Variants in DNAAF8 observed in about 807,000 individuals in gnomAD.
DNAAF8 encodes the protein dynein axonemal-associated protein 1.
Under a neutral mutation model 54.6 loss-of-function variants are expected in DNAAF8, and 61 were observed. The observed-to-expected ratio is 1.12, with a 90% CI of 0.91 to 1.38. The LOEUF (loss-of-function observed/expected upper bound fraction) is 1.38. DNAAF8 is among the 40% of genes most tolerant of loss of function. The probability of loss-of-function intolerance (pLI) is 0.00; values close to 1 mark genes in which losing one functional copy is unlikely to be tolerated. For missense variants in DNAAF8, 837 were observed against 665.0 expected (o/e 1.26, Z -2.85); for synonymous variants, 320 against 270.1 (o/e 1.18, Z -1.81).
Position 4,743,087 on chromosome 16 carries a change from G to A in DNAAF8, c.828G>A (p.Ala276=), listed in dbSNP as rs200793306. The part of the protein sequence containing the change: ...WDLDDILQSL[A]GQEDNQGNRA... The stretch of plus-strand genomic sequence containing the variant: ...TGGATGACATCCTTCAGAGTCTGGC[G>A]GGACAAGAAGACAACCAGGGAAATC... Residue 276 remains alanine, a synonymous_variant, in exon 5 of 10, where the codon GCG becomes GCA. Coordinates refer to ENST00000299320, the MANE Select transcript of DNAAF8 (RefSeq NM_139170.3). The A allele has an allele frequency of 2.6e-4, 427 of 1,612,304 alleles. 5 individuals carry two copies. In the South Asian group the frequency reaches 4.3e-3, roughly 16 times the overall value.
At chr16:4,747,098 C>T in intron 8 of DNAAF8, 73 bp downstream of exon 8, 1 of 1,398,102 alleles carries the variant, frequency 7.2e-7, no homozygotes, top group Non-Finnish European at 9.6e-7. Flanking sequence ...CTCCACCTGG[C>T]ACATTTACCG....
intron 2 of DNAAF8, 124 bp from the exon 3 acceptor site, chr16:4,737,676 C>CGGGCTGGATGGGCT: frequency 8.1e-7 from 1 of 1,234,534 alleles, no homozygotes. Context: ...CAGGGCTGGA[C>CGGGCTGGATGGGCT]GGGCTGGATG....
rs755290242 is a variant in DNAAF8 at position 4,747,441 on chromosome 16, G to A, written c.1379G>A (p.Gly460Glu). The change falls in exon 9 of 10, where the codon GGG becomes GAG. Residue 460 changes from glycine to glutamate, a missense_variant. Physicochemically the swap from Gly to Glu is moderately conservative, Grantham distance 98. Coordinates refer to ENST00000299320, the MANE Select transcript of DNAAF8 (RefSeq NM_139170.3). ...CCTGCCAGCAAGGGGCCCGCGGGTG[G>A]GAGGGCTCAGGCCCCTGAAGACACA... ...ELPASKGPAG[G>E]RAQAPEDTAG... is the part of the protein sequence containing the mutation. 6.2e-7 allele frequency: 1 copy of A among 1,613,118 alleles called. No individual in the cohort carries two copies. The highest frequency in any genetic ancestry group is 1.1e-5 in the South Asian group (1 of 91,088).
chr16:4,744,211 G>T (rs1563443), intron 5 of DNAAF8, among the ~76,000 whole-genome samples: 1 of 151,946 alleles, frequency 6.6e-6, no homozygotes, highest in Non-Finnish European at 1.5e-5. Context: ...GATTACAGGC[G>T]TGAGCCACCG....
intron 3 of DNAAF8, among the ~76,000 whole-genome samples, chr16:4,739,015 G>A (rs1028355816): frequency 2.6e-5 from 4 of 152,088 alleles, no homozygotes; most frequent in African/African-American, 7.2e-5. Context: ...CTACTGAATG[G>A]GAGGGCATGG....
At position 4,740,647 on chromosome 16, in the gene DNAAF8, G is replaced by A. The variant is rs1319833804; in HGVS notation, c.771G>A (p.Val257=). Reference sequence around the variant, plus strand: ...TGGAGCCTCCGGAGGGACCACCAGTGCTCTCGCTCCAGGTAGGCGCCTCCC... The same window carrying A: ...TGGAGCCTCCGGAGGGACCACCAGTACTCTCGCTCCAGGTAGGCGCCTCCC... ...PLVEPPEGPP[V]LSLQQLEAWD... is the part of the protein sequence containing the mutation. Residue 257 remains valine (V), a synonymous_variant, in exon 4 of 10, where the codon GTG becomes GTA. Transcript: ENST00000299320. 1.3e-5 allele frequency: 21 copies of A among 1,599,488 alleles called. No homozygotes were observed. Among genetic ancestry groups the A allele is most frequent in the Non-Finnish European group, 1.5e-5 (18 of 1,175,292 alleles).
Position 4,747,015 on chromosome 16 carries a change from C to A in DNAAF8, c.1270C>A (p.Leu424Met). ...GDAEGASPSS[L>M]GLRTCTGKSQ... ...CGCAGAGGGGGCATCTCCTTCCTCC[C>A]TGGGGCTACGGTAACCACCCAGGGG... The change falls in exon 8 of 10, where the codon CTG becomes ATG. Residue 424 changes from leucine (L) to methionine (M), a missense_variant. Physicochemically the swap from Leu to Met is conservative, Grantham distance 15. Coordinates refer to ENST00000299320, the MANE Select transcript of DNAAF8 (RefSeq NM_139170.3). The A allele has an allele frequency of 1.3e-6, 2 of 1,531,588 alleles. No individual in the cohort carries two copies. Among genetic ancestry groups the A allele is most frequent in the South Asian group, 2.5e-5 (2 of 80,870 alleles). The allele number at this position is 1,531,588 out of a possible 1,614,324, so 94.9% of individuals were successfully genotyped here. A position where few individuals can be genotyped will look rare whatever the true frequency, so the allele number is the denominator to read the frequency against.
intron 6 of DNAAF8, among the ~76,000 whole-genome samples, chr16:4,745,392 C>T (rs2082001945): frequency 2.6e-5 from 4 of 152,176 alleles, no homozygotes; most frequent in Non-Finnish European, 4.4e-5. Context: ...ACCCCAGCTG[C>T]GGGATTTTTC....
intron 7 of DNAAF8, 77 bp from the exon 8 acceptor site, chr16:4,746,850 G>C (rs574122433): frequency 7.5e-6 from 10 of 1,334,096 alleles, no homozygotes; most frequent in Non-Finnish European, 9.1e-6. Flanking sequence ...AGCAAAGCCC[G>C]AGTGCTTCAA....
At position 4,743,137 on chromosome 16, in the gene DNAAF8, C is replaced by T. The variant is rs1398372825; in HGVS notation, c.878C>T (p.Ala293Val). Residue 293 changes from alanine to valine, a missense_variant, in exon 5 of 10, where the codon GCA becomes GTA. Ala to Val is a moderately conservative substitution (Grantham distance 64). Transcript: ENST00000299320. Reference sequence around the variant, plus strand: ...CGTGCACCTGGAACTGTGTGGTGGGCAGCTGACCACCGCCAAGTTCAAGGT... The same window carrying T: ...CGTGCACCTGGAACTGTGTGGTGGGTAGCTGACCACCGCCAAGTTCAAGGT... Reference protein sequence around the residue: ...GNRAPGTVWWAADHRQVQDRM... With the variant: ...GNRAPGTVWWVADHRQVQDRM... 1.1e-5 allele frequency: 18 copies of T among 1,607,008 alleles called. No individual in the cohort carries two copies. The highest frequency in any genetic ancestry group is 1.5e-5 in the Non-Finnish European group (18 of 1,176,562).
At position 4,737,783 on chromosome 16, in the gene DNAAF8, C is replaced by T. The variant is rs1315922027; in HGVS notation, c.130-17C>T. 11 of 1,613,918 alleles carry T rather than the reference C, an allele frequency of 6.8e-6. No homozygotes were observed. The South Asian group carries it at 1.1e-4, about 16-fold the overall frequency. ...CCTGCTGCCTTGTCCTCCAAAAGCC[C>T]TCTCATTTGTCCACAGTCGGACTAT... On this transcript the variant is annotated splice_polypyrimidine_tract_variant and intron_variant, in intron 2 of 9. Transcript: ENST00000299320.
intron 4 of DNAAF8, among the ~76,000 whole-genome samples, chr16:4,741,914 G>A (rs1302538135): frequency 3.9e-5 from 6 of 152,130 alleles, no homozygotes; most frequent in East Asian, 1.9e-4. Context: ...ACACCGTCTC[G>A]GTTTTACACA....
chr16:4,743,260 G>A, intron 5 of DNAAF8, 100 bp downstream of exon 5: 1 of 818,536 alleles, frequency 1.2e-6, no homozygotes, highest in South Asian at 1.8e-5. Context: ...AGACAGTCCT[G>A]CAGCCCACAC....
At chr16:4,737,982 G>A (rs115940628) in intron 3 of DNAAF8, 36 bp downstream of exon 3, 2 of 1,602,718 alleles carry the variant, frequency 1.2e-6, no homozygotes, top group South Asian at 2.2e-5. Flanking sequence ...GCCTGTGTGT[G>A]TGCGATGTTA....
In DNAAF8 at chr16:4,743,141, T is replaced by A. The variant is rs1229537951; in HGVS notation, c.882T>A (p.Ala294=). Residue 294 remains alanine, a synonymous_variant, in exon 5 of 10, where the codon GCT becomes GCA. Transcript: ENST00000299320. ...CACCTGGAACTGTGTGGTGGGCAGC[T>A]GACCACCGCCAAGTTCAAGGTCTGA... ...NRAPGTVWWA[A]DHRQVQDRMV... The A allele has an allele frequency of 3.1e-6, 5 of 1,605,978 alleles. No homozygotes were observed. In the East Asian group the frequency reaches 1.1e-4, roughly 36 times the overall value.
intron 4 of DNAAF8, among the ~76,000 whole-genome samples, chr16:4,741,055 C>G (rs1289938663): frequency 1.9e-5 from 2 of 103,912 alleles, no homozygotes; most frequent in African/African-American, 3.8e-5. Context: ...AACCCCATCT[C>G]TACTAAAAAT....
At chr16:4,744,837 C>G (rs754749226) in intron 5 of DNAAF8, 33 bp from the exon 6 acceptor site, 1 of 1,599,002 alleles carries the variant, frequency 6.3e-7, no homozygotes, top group Admixed American at 1.7e-5. Context: ...GGCCAAGTCC[C>G]CACTAATCAG....
At chr16:4,741,276 A>AGAAT (rs1413511710) in intron 4 of DNAAF8, among the ~76,000 whole-genome samples, 1 of 147,830 alleles carries the variant, frequency 6.8e-6, no homozygotes, top group East Asian at 2.0e-4. Context: ...AAAGAAAGAA[A>AGAAT]GAATGTATAA....
chr16:4,745,423 G>C (rs1238090301), intron 6 of DNAAF8, among the ~76,000 whole-genome samples: 3 of 152,208 alleles, frequency 2.0e-5, no homozygotes, highest in African/African-American at 4.8e-5. Flanking sequence ...TCTCTGTGTA[G>C]GGGTGGAAGG....
Sources: allele counts gnomAD v4.1 joint callset (sites outside exome capture counted in the v4.1 genomes callset), GRCh38; gene constraint gnomAD v4.1.1; transcripts MANE v1.5; gene names NCBI Gene and HGNC (gene_info 2026-07-23, HGNC 2026-07-21).